The following DSCAM variants were observed in gnomAD, a reference collection of about 807,000 sequenced individuals.
DSCAM encodes the protein DS cell adhesion molecule.
A neutral mutation model predicts 217.7 loss-of-function variants in DSCAM; 47 were observed. The observed-to-expected ratio is 0.22, with a 90% CI of 0.17 to 0.28. The LOEUF is 0.28. Among genes scored for constraint, DSCAM ranks in the 10% least tolerant of loss-of-function variants. DSCAM has a pLI of 1.00. For synonymous variants in DSCAM, 1,056 were observed against 1,015.3 expected, an observed-to-expected ratio of 1.04 and a Z score of -0.76; for missense variants, 2,080 against 2,618.3, an observed-to-expected ratio of 0.79 and a Z score of 4.49.
At chr21:40,310,985 TTCTAAG>T (rs1290792859) in intron 9 of DSCAM, among the ~76,000 whole-genome samples, 1 of 152,182 alleles carries the variant, frequency 6.6e-6, no homozygotes, top group Admixed American at 6.5e-5. Context: ...TTCCTATGAC[TTCTAAG>T]TCTGTGTCAC....
chr21:40,040,937 AAAT>A (rs905904750), intron 32 of DSCAM, among the ~76,000 whole-genome samples: 4 of 152,278 alleles, frequency 2.6e-5, no homozygotes, highest in African/African-American at 7.2e-5. Context: ...GAAAAAAAAA[AAAT>A]AGTTGAAATA....
intron 9 of DSCAM, among the ~76,000 whole-genome samples, chr21:40,307,824 A>G (rs2074095512): frequency 6.6e-6 from 1 of 151,948 alleles, no homozygotes; most frequent in Non-Finnish European, 1.5e-5. Context: ...CCAGTAAACT[A>G]TCACAAGAAC....
At chr21:40,108,765 GTAACCAAAAC>G (rs1420787620) in intron 20 of DSCAM, among the ~76,000 whole-genome samples, 1 of 152,212 alleles carries the variant, frequency 6.6e-6, no homozygotes, top group Non-Finnish European at 1.5e-5. Flanking sequence ...CAGGGCTACA[GTAACCAAAAC>G]AGCATGGTTC....
chr21:40,020,000 T>C (rs1171944169), intron 32 of DSCAM, among the ~76,000 whole-genome samples: 2 of 152,134 alleles, frequency 1.3e-5, no homozygotes, highest in African/African-American at 4.8e-5. Flanking sequence ...TTCCTTTATT[T>C]TCCTTCTAAT....
At chr21:40,577,817 G>GATA (rs1412370432) in intron 3 of DSCAM, among the ~76,000 whole-genome samples, 1 of 152,180 alleles carries the variant, frequency 6.6e-6, no homozygotes, top group Non-Finnish European at 1.5e-5. Context: ...ACTACAAGGT[G>GATA]ATAGACTCGG....
chr21:40,051,091 T>G (rs2088923377), intron 30 of DSCAM, among the ~76,000 whole-genome samples: 1 of 152,244 alleles, frequency 6.6e-6, no homozygotes, highest in Non-Finnish European at 1.5e-5. Flanking sequence ...GAATAGCTTT[T>G]AACATTATAA....
At chr21:40,104,368 G>GTTAA (rs1407346867) in intron 20 of DSCAM, among the ~76,000 whole-genome samples, 1 of 152,168 alleles carries the variant, frequency 6.6e-6, no homozygotes, top group African/African-American at 2.4e-5. Flanking sequence ...TTCCACTAGT[G>GTTAA]TTAATTGAAA....
chr21:40,521,932 G>A (rs1053437403), intron 3 of DSCAM, among the ~76,000 whole-genome samples: 4 of 152,138 alleles, frequency 2.6e-5, no homozygotes, highest in Admixed American at 6.5e-5. Flanking sequence ...ATTAAACAAC[G>A]TATACACGTT....
rs916513880 is a variant in DSCAM at position 40,012,458 on chromosome 21, CAA to C, written c.*574_*575del. ...TTTTTTATTTCGCTTAGACAAAATG[CAA>C]AGAGTGTCTCATTAAATTAAAAAAG... On this transcript the variant is annotated 3_prime_UTR_variant, in exon 33 of 33. Coordinates refer to ENST00000400454, the MANE Select transcript of DSCAM (RefSeq NM_001389.5). 26 of 152,092 alleles carry C rather than the reference CAA, an allele frequency of 1.7e-4. No individual in the cohort carries two copies. The highest frequency in any genetic ancestry group is 6.3e-4 in the African/African-American group (26 of 41,400). 9.4% of individuals were successfully genotyped at this position (152,092 alleles called of 1,614,324 possible).
chr21:40,605,791 CT>C (rs755767800), intron 3 of DSCAM, among the ~76,000 whole-genome samples: 3,295 of 61,592 alleles, frequency 0.053, 32 homozygotes, highest in Non-Finnish European at 0.07. Context: ...AATGCACATT[CT>C]TTTTTTTTTT....
At chr21:40,750,330 G>A (rs1165604861) in intron 1 of DSCAM, among the ~76,000 whole-genome samples, 1 of 152,198 alleles carries the variant, frequency 6.6e-6, no homozygotes, top group African/African-American at 2.4e-5. Flanking sequence ...CCAGTGGCCT[G>A]TGTTTTGCTG....
At chr21:40,651,593 G>A (rs2090014822) in intron 3 of DSCAM, among the ~76,000 whole-genome samples, 1 of 152,124 alleles carries the variant, frequency 6.6e-6, no homozygotes, top group African/African-American at 2.4e-5. Context: ...CCTAAAGAGT[G>A]CTGTGGAGTC....
At chr21:40,121,681 C>CTTTTCT (rs2090035243) in intron 20 of DSCAM, among the ~76,000 whole-genome samples, 9 of 73,734 alleles carry the variant, frequency 1.2e-4, no homozygotes, top group Non-Finnish European at 2.3e-4. Flanking sequence ...TCATTACTGT[C>CTTTTCT]TTTTTTTTTT....
At chr21:40,275,150 C>G (rs946766700) in intron 11 of DSCAM, among the ~76,000 whole-genome samples, 1 of 151,506 alleles carries the variant, frequency 6.6e-6, no homozygotes, top group African/African-American at 2.4e-5. Flanking sequence ...CAAAGTGAGA[C>G]CCTCATCTTT....
intron 3 of DSCAM, among the ~76,000 whole-genome samples, chr21:40,646,454 A>T (rs1008709494): frequency 1.3e-5 from 2 of 151,488 alleles, no homozygotes. Flanking sequence ...TGATACCATG[A>T]GCACTGATTT....
chr21:40,680,031 A>G (rs979511780), intron 3 of DSCAM, among the ~76,000 whole-genome samples: 2 of 152,252 alleles, frequency 1.3e-5, no homozygotes, highest in African/African-American at 4.8e-5. Flanking sequence ...AAGAAGAAGG[A>G]CAATGACAAA....
intron 21 of DSCAM, among the ~76,000 whole-genome samples, chr21:40,087,602 G>A (rs939208524): frequency 2.0e-5 from 3 of 152,106 alleles, no homozygotes; most frequent in African/African-American, 7.2e-5. Context: ...ATTTCTCAAA[G>A]CACTTTAGGA....
At chr21:40,411,290 G>T (rs2075321489) in intron 3 of DSCAM, among the ~76,000 whole-genome samples, 1 of 150,718 alleles carries the variant, frequency 6.6e-6, no homozygotes, top group East Asian at 2.0e-4. Flanking sequence ...AGCCACGAAT[G>T]GAGACAAAAT....
At chr21:40,213,968 A>G (rs948910626) in intron 11 of DSCAM, among the ~76,000 whole-genome samples, 2 of 152,168 alleles carry the variant, frequency 1.3e-5, no homozygotes, top group Non-Finnish European at 2.9e-5. Context: ...ACTCAAATCC[A>G]CACCTACATG....
Sources: gnomAD v4.1 joint callset for allele counts (sites outside exome capture counted in the v4.1 genomes callset) on GRCh38, gnomAD v4.1.1 for gene constraint, MANE v1.5 for transcripts, NCBI Gene and HGNC (gene_info 2026-07-23, HGNC 2026-07-21) for gene names.